Variants in TENT5D observed in about 807,000 individuals in gnomAD.
TENT5D encodes the protein terminal nucleotidyltransferase 5D.
For synonymous variants in TENT5D, 103 were observed against 100.6 expected (o/e 1.02, Z -0.15); for missense variants, 191 against 287.0 (o/e 0.67, Z 2.42).
chrX:80,339,329 G>A (rs1276144551), intron 2 of TENT5D, among the ~76,000 whole-genome samples: 1 of 111,399 alleles, frequency 9.0e-6, no homozygotes, highest in Non-Finnish European at 1.9e-5. Context: ...GTTTGTATAT[G>A]AAGAAATAGA....
intron 3 of TENT5D, among the ~76,000 whole-genome samples, chrX:80,369,980 A>G (rs1164014642): frequency 9.0e-6 from 1 of 110,972 alleles, no homozygotes; most frequent in African/African-American, 3.3e-5. Context: ...TGCAGTGACA[A>G]GATCAGACCA....
chrX:80,361,396 G>A (rs193016440), intron 3 of TENT5D, among the ~76,000 whole-genome samples: 52 of 112,371 alleles, frequency 4.6e-4, no homozygotes, highest in African/African-American at 1.6e-3. Flanking sequence ...TGCTAATTCA[G>A]TGTTTATTGT....
chrX:80,337,632 A>G (rs1223414226), intron 2 of TENT5D, among the ~76,000 whole-genome samples: 1 of 112,133 alleles, frequency 8.9e-6, no homozygotes, highest in Non-Finnish European at 1.9e-5. Flanking sequence ...ATATATTGTA[A>G]TTTATCTGTT....
At chrX:80,374,324 A>C (rs907002393) in intron 3 of TENT5D, among the ~76,000 whole-genome samples, 8 of 111,468 alleles carry the variant, frequency 7.2e-5, no homozygotes, top group East Asian at 2.8e-4. Context: ...GCATGATAGA[A>C]GATTTATATT....
At chrX:80,416,280 T>G (rs1312762081), upstream of TENT5D, among the ~76,000 whole-genome samples, 7 of 107,103 alleles carry the variant, frequency 6.5e-5, no homozygotes, top group Non-Finnish European at 1.3e-4. Flanking sequence ...TTTTTTTTTT[T>G]GCATCTGAAT....
chrX:80,367,955 CAAT>C (rs1272136529), intron 3 of TENT5D, among the ~76,000 whole-genome samples: 1 of 110,795 alleles, frequency 9.0e-6, no homozygotes, highest in Non-Finnish European at 1.9e-5. Flanking sequence ...TGATTACAGT[CAAT>C]AATAATTGTA....
chrX:80,350,575 A>G, intron 3 of TENT5D, among the ~76,000 whole-genome samples: 1 of 110,909 alleles, frequency 9.0e-6, no homozygotes, highest in Non-Finnish European at 1.9e-5. Flanking sequence ...TGAATATAGC[A>G]CACCGATGGG....
intron 3 of TENT5D, among the ~76,000 whole-genome samples, chrX:80,364,531 CTT>C (rs1930469119): frequency 9.0e-6 from 1 of 110,555 alleles, no homozygotes; most frequent in African/African-American, 3.3e-5. Context: ...TATATATAAA[CTT>C]AAGAGTTTTA....
chrX:80,422,267 G>A (rs1931903329), intron 1 of TENT5D, among the ~76,000 whole-genome samples: 1 of 110,704 alleles, frequency 9.0e-6, no homozygotes, highest in Admixed American at 9.6e-5. Context: ...GAGGTCAGGA[G>A]TTCAAGACCA....
chrX:80,349,310 C>G (rs990237017), intron 3 of TENT5D, among the ~76,000 whole-genome samples: 1 of 111,552 alleles, frequency 9.0e-6, no homozygotes, highest in African/African-American at 3.3e-5. Flanking sequence ...GGTTGGTAGT[C>G]TGTTAATTAC....
intron 3 of TENT5D, among the ~76,000 whole-genome samples, chrX:80,412,323 G>A (rs971428717): frequency 8.9e-6 from 1 of 112,488 alleles, no homozygotes; most frequent in African/African-American, 3.2e-5. Context: ...AGGAGAGGCT[G>A]CCACGAAGGT....
At chrX:80,380,783 C>T (rs985361986) in intron 3 of TENT5D, among the ~76,000 whole-genome samples, 1 of 111,090 alleles carries the variant, frequency 9.0e-6, no homozygotes, top group Non-Finnish European at 1.9e-5. Flanking sequence ...ATTGCAACCC[C>T]TGCTTTTTTT....
intron 3 of TENT5D, among the ~76,000 whole-genome samples, chrX:80,372,748 G>A (rs763844122): frequency 9.1e-6 from 1 of 109,333 alleles, no homozygotes; most frequent in African/African-American, 3.3e-5. Flanking sequence ...CTATCCGAGC[G>A]TGGTGGCACG....
At chrX:80,342,143 T>C (rs979140815) in intron 2 of TENT5D, among the ~76,000 whole-genome samples, 2 of 111,681 alleles carry the variant, frequency 1.8e-5, no homozygotes, top group African/African-American at 6.5e-5. Context: ...AAAATAAGAA[T>C]TTATTTTAAA....
At chrX:80,397,818 ACTC>A (rs1931310942) in intron 3 of TENT5D, among the ~76,000 whole-genome samples, 1 of 112,156 alleles carries the variant, frequency 8.9e-6, no homozygotes, top group Admixed American at 9.3e-5. Context: ...AATCGCAGGC[ACTC>A]GGCAGGCTGA....
intron 3 of TENT5D, among the ~76,000 whole-genome samples, chrX:80,380,843 T>C (rs1490654400): frequency 9.0e-6 from 1 of 111,525 alleles, no homozygotes; most frequent in African/African-American, 3.3e-5. Flanking sequence ...ATTTTGAGTC[T>C]ATGTGTGTCT....
intron 3 of TENT5D, among the ~76,000 whole-genome samples, chrX:80,343,630 C>A (rs1930004188): frequency 9.1e-6 from 1 of 109,887 alleles, no homozygotes. Context: ...GAACTCCCGA[C>A]CTCAGGTGAT....
intron 3 of TENT5D, among the ~76,000 whole-genome samples, chrX:80,390,306 A>G (rs1249544770): frequency 9.0e-6 from 1 of 111,320 alleles, no homozygotes; most frequent in African/African-American, 3.3e-5. Flanking sequence ...AAACTATAGA[A>G]GTTTAGTATG....
chrX:80,409,093 G>A (rs1327589087), intron 3 of TENT5D, among the ~76,000 whole-genome samples: 8 of 109,082 alleles, frequency 7.3e-5, no homozygotes, highest in Non-Finnish European at 1.1e-4. Flanking sequence ...TTGATGGGAC[G>A]TATTTCAAAA....
Sources: allele counts gnomAD v4.1 joint callset (sites outside exome capture counted in the v4.1 genomes callset), GRCh38; gene constraint gnomAD v4.1.1; transcripts MANE v1.5; gene names NCBI Gene and HGNC (gene_info 2026-07-23, HGNC 2026-07-21).